LRP1B: variants seen among roughly 807,000 people sequenced by gnomAD.
The protein encoded by LRP1B is LDL receptor related protein 1B.
A neutral mutation model predicts 556.6 loss-of-function variants in LRP1B; 217 were observed. That is an observed-to-expected ratio of 0.39 (90% CI 0.35 to 0.44). The LOEUF (loss-of-function observed/expected upper bound fraction) is 0.44, where lower values mean the gene tolerates loss of function less well. Among genes scored for constraint, LRP1B ranks in the 20% least tolerant of loss-of-function variants. The pLI, the probability that LRP1B is intolerant of heterozygous loss-of-function variation, is 1.00. For missense variants in LRP1B, 5,053 were observed against 5,620.8 expected (o/e 0.90, Z 3.23); for synonymous variants, 2,047 against 1,865.8 (o/e 1.10, Z -2.50).
At chr2:140,444,234 T>A in intron 65 of LRP1B, 96 bp downstream of exon 65, 2 of 1,319,054 alleles carry the variant, frequency 1.5e-6, no homozygotes, top group East Asian at 2.4e-5. Flanking sequence ...TTTCAATTTA[T>A]CTACATCATA....
intron 2 of LRP1B, among the ~76,000 whole-genome samples, chr2:141,694,369 G>A (rs909268000): frequency 6.6e-6 from 1 of 152,044 alleles, no homozygotes; most frequent in Admixed American, 6.6e-5. Context: ...GTGACTGTGA[G>A]TGAGCCTGCC....
intron 43 of LRP1B, among the ~76,000 whole-genome samples, chr2:140,577,638 A>G (rs1017678280): frequency 5.9e-5 from 9 of 152,052 alleles, no homozygotes; most frequent in African/African-American, 1.9e-4. Context: ...TCAGGCTAGT[A>G]TGAAACTCCT....
At chr2:140,317,511 G>A (rs1383789507) in intron 82 of LRP1B, among the ~76,000 whole-genome samples, 1 of 152,084 alleles carries the variant, frequency 6.6e-6, no homozygotes, top group Non-Finnish European at 1.5e-5. Context: ...GTAGTTTTGA[G>A]GTGGCATACT....
intron 1 of LRP1B, 107 bp downstream of exon 1, chr2:142,130,541 G>C: frequency 1.1e-6 from 1 of 914,170 alleles, no homozygotes; most frequent in Non-Finnish European, 1.7e-6. Context: ...CGGTCCCGGG[G>C]AGCGGAGCTG....
chr2:141,357,247 G>A (rs1313432487), intron 3 of LRP1B, among the ~76,000 whole-genome samples: 1 of 151,898 alleles, frequency 6.6e-6, no homozygotes, highest in African/African-American at 2.4e-5. Context: ...GTAGAGGTGG[G>A]TTTTCACCGT....
At position 141,405,109 on chromosome 2, in the gene LRP1B, A is replaced by G. The variant is rs564221348; in HGVS notation, c.343+75287T>C. ...ACTCCGTCTCAAAAAAACAAAACAAAAACAAAAACAAAACCATGAAGAACA... is the reference window on the plus strand; with the variant it reads ...ACTCCGTCTCAAAAAAACAAAACAAGAACAAAAACAAAACCATGAAGAACA... On this transcript the variant is annotated intron_variant, in intron 3 of 90. Transcript: ENST00000389484. Among the ~76,000 whole-genome samples, 33 of 152,260 alleles carry G rather than the reference A, an allele frequency of 2.2e-4. 1 individual carries two copies. In the South Asian group the frequency reaches 2.3e-3, roughly 11 times the overall value.
At chr2:141,294,197 G>T (rs887309423) in intron 3 of LRP1B, among the ~76,000 whole-genome samples, 2 of 151,996 alleles carry the variant, frequency 1.3e-5, no homozygotes, top group Non-Finnish European at 1.5e-5. Flanking sequence ...TGATTGTATT[G>T]CTTTTATGAC....
At chr2:140,786,490 T>A (rs1004342700) in intron 32 of LRP1B, among the ~76,000 whole-genome samples, 1 of 152,238 alleles carries the variant, frequency 6.6e-6, no homozygotes, top group East Asian at 1.9e-4. Context: ...TGTTAGTCTA[T>A]TAGCTTCTCT....
At chr2:141,220,255 C>T (rs1682981879) in intron 6 of LRP1B, among the ~76,000 whole-genome samples, 1 of 152,146 alleles carries the variant, frequency 6.6e-6, no homozygotes, top group Admixed American at 6.5e-5. Context: ...GCTGAAAACA[C>T]AACATGAGAA....
chr2:142,077,263 T>C (rs1040150779), intron 1 of LRP1B, among the ~76,000 whole-genome samples: 4 of 152,062 alleles, frequency 2.6e-5, no homozygotes, highest in African/African-American at 4.8e-5. Context: ...TAACATATTC[T>C]TATAAAGAGT....
At chr2:140,277,905 A>G (rs1007060994) in intron 84 of LRP1B, among the ~76,000 whole-genome samples, 4 of 151,968 alleles carry the variant, frequency 2.6e-5, no homozygotes, top group Non-Finnish European at 5.9e-5. Context: ...AAGCATGCAC[A>G]TGTATGTCAA....
intron 41 of LRP1B, among the ~76,000 whole-genome samples, chr2:140,677,318 T>C (rs924264376): frequency 6.6e-6 from 1 of 152,202 alleles, no homozygotes; most frequent in South Asian, 2.1e-4. Flanking sequence ...AGATTACTTG[T>C]TCAACCTTGG....
intron 83 of LRP1B, among the ~76,000 whole-genome samples, chr2:140,303,176 A>G (rs1398360324): frequency 6.6e-6 from 1 of 151,452 alleles, no homozygotes; most frequent in East Asian, 1.9e-4. Flanking sequence ...TTCTTTACAT[A>G]TATCTTCTAA....
intron 3 of LRP1B, among the ~76,000 whole-genome samples, chr2:141,420,623 G>A (rs967013820): frequency 6.6e-6 from 1 of 152,162 alleles, no homozygotes; most frequent in African/African-American, 2.4e-5. Flanking sequence ...TACCAAGGCA[G>A]GTAAGACATA....
chr2:141,252,511 A>G (rs2679449), intron 4 of LRP1B, among the ~76,000 whole-genome samples: 20,569 of 152,170 alleles, frequency 0.14, 1,444 homozygotes, highest in South Asian at 0.22. Flanking sequence ...AGCTAAGTCT[A>G]CAGTAATACT....
chr2:141,716,327 T>C (rs548720867), intron 2 of LRP1B, among the ~76,000 whole-genome samples: 20 of 152,288 alleles, frequency 1.3e-4, no homozygotes, highest in African/African-American at 4.8e-4. Context: ...GGAGAATGGG[T>C]CTTTTTATAC....
At chr2:141,948,168 G>A (rs1156997944) in intron 1 of LRP1B, among the ~76,000 whole-genome samples, 1 of 151,908 alleles carries the variant, frequency 6.6e-6, no homozygotes, top group Admixed American at 6.6e-5. Flanking sequence ...GTGTAGTGGC[G>A]CATGCTTGTG....
chr2:140,562,965 A>C (rs1680987875), intron 43 of LRP1B, among the ~76,000 whole-genome samples: 1 of 152,160 alleles, frequency 6.6e-6, no homozygotes, highest in Non-Finnish European at 1.5e-5. Context: ...AAAAAAATTA[A>C]ATGTAAGACA....
rs565778630 is a variant in LRP1B at position 141,590,562 on chromosome 2, G to T, written c.206-110029C>A. 9.9e-5 allele frequency among the ~76,000 whole-genome samples: 15 copies of T among 152,088 alleles called. No homozygotes were observed. In the East Asian group the frequency reaches 2.9e-3, roughly 29 times the overall value. ...CAGTTTTTTTTATAGGCAAGAAAGG[G>T]TATCATTTCTAAGATGAGCTATAAA... On this transcript the variant is annotated intron_variant, in intron 2 of 90. Transcript: ENST00000389484.
Sources: allele counts gnomAD v4.1 joint callset (sites outside exome capture counted in the v4.1 genomes callset), GRCh38; gene constraint gnomAD v4.1.1; transcripts MANE v1.5; gene names NCBI Gene and HGNC (gene_info 2026-07-23, HGNC 2026-07-21).